RBMS3: variants seen among roughly 807,000 people sequenced by gnomAD.
The protein encoded by RBMS3 is RNA binding motif single stranded interacting protein 3, also known as RNA-binding motif, single-stranded-interacting protein 3.
Under a neutral mutation model 66.8 loss-of-function variants are expected in RBMS3, and 27 were observed. The ratio of observed to expected loss-of-function variants is 0.40; its 90% CI spans 0.30 to 0.56. The LOEUF (loss-of-function observed/expected upper bound fraction) is 0.56, where lower values mean the gene tolerates loss of function less well. RBMS3 is among the 20% of genes least tolerant of loss of function. The pLI is 0.40. For synonymous variants in RBMS3, 188 were observed against 183.0 expected (o/e 1.03, Z -0.22); for missense variants, 513 against 549.5 (o/e 0.93, Z 0.66).
At chr3:29,855,252 T>A (rs1449278) in intron 6 of RBMS3, among the ~76,000 whole-genome samples, 64,036 of 151,970 alleles carry the variant, frequency 0.42, 14,248 homozygotes, top group African/African-American at 0.55. Flanking sequence ...TGAAACTGAG[T>A]TGTGAAAATT....
chr3:29,665,109 C>T (rs1168045812), intron 4 of RBMS3, among the ~76,000 whole-genome samples: 1 of 152,038 alleles, frequency 6.6e-6, no homozygotes, highest in Non-Finnish European at 1.5e-5. Context: ...TGCTAGTAAC[C>T]AGAATTAAGC....
chr3:29,971,667 A>G (rs75619339), intron 12 of RBMS3, among the ~76,000 whole-genome samples: 1 of 152,004 alleles, frequency 6.6e-6, no homozygotes, highest in Admixed American at 6.6e-5. Flanking sequence ...CTCAACAAAT[A>G]TATATTAACT....
chr3:29,726,184 T>C (rs1467383437), intron 4 of RBMS3, among the ~76,000 whole-genome samples: 1 of 152,060 alleles, frequency 6.6e-6, no homozygotes, highest in Admixed American at 6.6e-5. Flanking sequence ...ACTCTCAATA[T>C]ACTAGGTACT....
At chr3:29,894,184 CT>C (rs1458710440) in intron 8 of RBMS3, among the ~76,000 whole-genome samples, 6 of 151,468 alleles carry the variant, frequency 4.0e-5, no homozygotes, top group Admixed American at 6.6e-5. Context: ...CTCTCTTCCC[CT>C]GATTGTAGAT....
intron 7 of RBMS3, among the ~76,000 whole-genome samples, chr3:29,875,080 C>T (rs1362227903): frequency 1.3e-5 from 2 of 152,108 alleles, no homozygotes; most frequent in African/African-American, 4.8e-5. Flanking sequence ...CAGGAAATAT[C>T]CATGTACCAT....
chr3:29,944,784 C>T (rs1427197417), intron 12 of RBMS3, among the ~76,000 whole-genome samples: 1 of 151,494 alleles, frequency 6.6e-6, no homozygotes, highest in Non-Finnish European at 1.5e-5. Flanking sequence ...AATTTGTTCC[C>T]AAAACGATTC....
intron 3 of RBMS3, among the ~76,000 whole-genome samples, chr3:29,562,369 T>G (rs544925461): frequency 3.9e-5 from 6 of 152,256 alleles, no homozygotes; most frequent in Middle Eastern, 3.4e-3. Flanking sequence ...TATCTGAAAT[T>G]TCTCAACTTT....
intron 4 of RBMS3, among the ~76,000 whole-genome samples, chr3:29,729,394 A>C (rs1358358837): frequency 6.6e-6 from 1 of 152,060 alleles, no homozygotes. Flanking sequence ...TCATTGATGG[A>C]CATTTGGGTT....
chr3:29,892,495 G>T (rs183085841), intron 8 of RBMS3, among the ~76,000 whole-genome samples: 8 of 151,546 alleles, frequency 5.3e-5, no homozygotes, highest in Admixed American at 4.6e-4. Flanking sequence ...AACAAAAAAT[G>T]TCTCCAGACA....
chr3:29,390,074 A>G (rs28723417), intron 1 of RBMS3, among the ~76,000 whole-genome samples: 42,579 of 152,128 alleles, frequency 0.28, 6,174 homozygotes, highest in African/African-American at 0.35. Flanking sequence ...CCCCTCCTAC[A>G]AAACCCCTTG....
intron 12 of RBMS3, 46 bp from the exon 13 acceptor site, chr3:29,988,097 G>C (rs1422983839): frequency 6.9e-7 from 1 of 1,455,128 alleles, no homozygotes; most frequent in East Asian, 2.3e-5. Flanking sequence ...TTTTCTCACT[G>C]GTTGCAGCTC....
intron 14 of RBMS3, among the ~76,000 whole-genome samples, chr3:30,002,566 AC>A (rs1279755178): frequency 6.6e-6 from 1 of 152,032 alleles, no homozygotes; most frequent in Admixed American, 6.6e-5. Flanking sequence ...TATTGTTGCT[AC>A]TGTATGAAAA....
At chr3:29,427,851 T>C (rs921338293) in intron 1 of RBMS3, among the ~76,000 whole-genome samples, 23 of 152,064 alleles carry the variant, frequency 1.5e-4, no homozygotes, top group Non-Finnish European at 2.2e-4. Context: ...ATGCCGGCAA[T>C]AGAACTGACT....
intron 1 of RBMS3, among the ~76,000 whole-genome samples, chr3:29,347,659 T>G (rs1332128704): frequency 1.3e-5 from 2 of 152,212 alleles, no homozygotes; most frequent in Admixed American, 1.3e-4. Context: ...CTGAAATTCA[T>G]GAACCATAGT....
chr3:29,357,156 G>A (rs931606257), intron 1 of RBMS3, among the ~76,000 whole-genome samples: 100 of 151,910 alleles, frequency 6.6e-4, no homozygotes, highest in African/African-American at 2.2e-3. Flanking sequence ...CCATTAACTC[G>A]TCATTTACAT....
intron 4 of RBMS3, among the ~76,000 whole-genome samples, chr3:29,604,475 CTCA>C (rs2048254683): frequency 6.6e-6 from 1 of 151,876 alleles, no homozygotes; most frequent in Non-Finnish European, 1.5e-5. Flanking sequence ...GGCCTGGTGC[CTCA>C]TCATCCTTCC....
In RBMS3 at chr3:29,511,686, A is replaced by AATAAC. The variant is rs139990583; in HGVS notation, c.307+23189_307+23193dup. On this transcript the variant is annotated intron_variant, in intron 3 of 14. Transcript: ENST00000383767. Reference sequence around the variant, plus strand: ...ACTCATAGGACCATCATACATAAAGAATAACACCCCTTTTGCCTTTATTTG... The same window carrying AATAAC: ...ACTCATAGGACCATCATACATAAAGAATAACATAACACCCCTTTTGCCTTTATTTG... Among the ~76,000 whole-genome samples the AATAAC allele has an allele frequency of 7.2e-3, 1,103 of 152,290 alleles. 14 individuals carry two copies. Among genetic ancestry groups the AATAAC allele is most frequent in the African/African-American group, 0.025 (1,057 of 41,550 alleles).
chr3:29,724,701 A>G (rs1396249456), intron 4 of RBMS3, among the ~76,000 whole-genome samples: 1 of 152,186 alleles, frequency 6.6e-6, no homozygotes, highest in East Asian at 1.9e-4. Context: ...ATTTTCATGC[A>G]TATCATGTAG....
intron 4 of RBMS3, chr3:29,730,947 T>C: frequency 4.1e-6 from 4 of 985,234 alleles, no homozygotes; most frequent in Non-Finnish European, 4.8e-6. Context: ...TCATGAGGTG[T>C]ATATGGAGGG....
Sources: gnomAD v4.1 joint callset for allele counts (sites outside exome capture counted in the v4.1 genomes callset) on GRCh38, gnomAD v4.1.1 for gene constraint, MANE v1.5 for transcripts, NCBI Gene and HGNC (gene_info 2026-07-23, HGNC 2026-07-21) for gene names.